MON2: variants seen among roughly 807,000 people sequenced by gnomAD.
MON2 encodes MON2 regulator of endosome-to-Golgi trafficking.
MON2 carries 84 observed loss-of-function variants against 208.6 expected under a neutral mutation model. The observed-to-expected ratio is 0.40, with a 90% confidence interval of 0.34 to 0.48. The LOEUF (loss-of-function observed/expected upper bound fraction) is 0.48. Ranked by LOEUF, MON2 falls within the 20% of genes least tolerant of loss-of-function variation. MON2 has a pLI of 0.59. For missense variants in MON2, 1,611 were observed against 2,015.4 expected, an observed-to-expected ratio of 0.80 and a Z score of 3.84; for synonymous variants, 660 against 694.0, an observed-to-expected ratio of 0.95 and a Z score of 0.77.
At chr12:62,588,456 T>C (rs1445886154) in intron 34 of MON2, among the ~76,000 whole-genome samples, 1 of 152,270 alleles carries the variant, frequency 6.6e-6, no homozygotes, top group African/African-American at 2.4e-5. Flanking sequence ...TAGAAGATAA[T>C]TGACTTATTT....
intron 8 of MON2, among the ~76,000 whole-genome samples, chr12:62,509,452 G>A (rs1161632971): frequency 6.6e-6 from 1 of 152,064 alleles, no homozygotes; most frequent in African/African-American, 2.4e-5. Context: ...AATAGTAGAA[G>A]ACTTCAATAT....
chr12:62,469,180 C>T (rs972147862), intron 1 of MON2, among the ~76,000 whole-genome samples: 4 of 145,984 alleles, frequency 2.7e-5, no homozygotes, highest in Non-Finnish European at 5.9e-5. Flanking sequence ...TGGGTTCAAG[C>T]GATCTGCCCA....
At chr12:62,507,488 G>C (rs1407515720) in intron 7 of MON2, among the ~76,000 whole-genome samples, 2 of 150,318 alleles carry the variant, frequency 1.3e-5, no homozygotes, top group Non-Finnish European at 3.0e-5. Context: ...GCTAATTTTT[G>C]TTGTTGTTGT....
chr12:62,597,960 T>TCTGAGGCAGACG lies in MON2; in HGVS notation c.*5211_*5212insCTGAGGCAGACG, dbSNP rs2075560798. The TCTGAGGCAGACG allele has an allele frequency of 6.6e-6, 1 of 152,238 alleles. No homozygotes were observed. Among genetic ancestry groups the TCTGAGGCAGACG allele is most frequent in the Admixed American group, 6.5e-5 (1 of 15,280 alleles). 9.4% of individuals were successfully genotyped at this position (152,238 alleles called of 1,614,324 possible). Reference sequence around the variant, plus strand: ...GGGGGGTGGGGGAGATATTTGTTTTTTTGAGGCAGACGTTTAAACTTTTAG... The same window carrying TCTGAGGCAGACG: ...GGGGGGTGGGGGAGATATTTGTTTTTCTGAGGCAGACGTTGAGGCAGACGTTTAAACTTTTAG... On this transcript the variant is annotated 3_prime_UTR_variant, in exon 35 of 35. Transcript: ENST00000393630.
chr12:62,511,874 GAA>G (rs1437429875), intron 8 of MON2, among the ~76,000 whole-genome samples: 2 of 152,210 alleles, frequency 1.3e-5, no homozygotes, highest in African/African-American at 4.8e-5. Flanking sequence ...ATTTACAAAA[GAA>G]AGAGATTTAT....
intron 2 of MON2, among the ~76,000 whole-genome samples, chr12:62,491,526 C>T (rs780923732): frequency 5.9e-5 from 9 of 152,084 alleles, no homozygotes; most frequent in Non-Finnish European, 1.3e-4. Flanking sequence ...AGACTTCAGG[C>T]AGACAACTTT....
intron 2 of MON2, among the ~76,000 whole-genome samples, chr12:62,491,691 A>G (rs1024992014): frequency 3.3e-5 from 5 of 152,280 alleles, no homozygotes; most frequent in Admixed American, 1.3e-4. Flanking sequence ...CCTACTTACT[A>G]TATCAGTAGG....
At chr12:62,505,816 A>C (rs929319985) in intron 7 of MON2, among the ~76,000 whole-genome samples, 3 of 152,176 alleles carry the variant, frequency 2.0e-5, no homozygotes, top group African/African-American at 4.8e-5. Context: ...GTTTGACCCC[A>C]GGAGGTCAAG....
intron 1 of MON2, among the ~76,000 whole-genome samples, chr12:62,481,265 G>A (rs979816786): frequency 2.0e-5 from 3 of 152,120 alleles, no homozygotes; most frequent in Middle Eastern, 6.3e-3. Context: ...GGTGGCTCAC[G>A]CCTGTAATCC....
chr12:62,537,692 T>C lies in MON2; in HGVS notation c.2104T>C (p.Leu702=). The C allele has an allele frequency of 6.2e-7, 1 of 1,611,876 alleles. No individual in the cohort carries two copies. Among genetic ancestry groups the C allele is most frequent in the South Asian group, 1.1e-5 (1 of 90,710 alleles). ...AVLGTSWQLV[L]ATLQHLVWIL... is the part of the protein sequence containing the mutation. ...TCTTGGAACATCATGGCAACTTGTC[T>C]TGGCAACTCTTCAGGTATGTAAAAG... is the stretch of plus-strand genomic sequence containing the variant. Residue 702 remains leucine (L), a synonymous_variant, in exon 16 of 35, where the codon TTG becomes CTG. Coordinates refer to ENST00000393630, the MANE Select transcript of MON2 (RefSeq NM_015026.3).
intron 1 of MON2, among the ~76,000 whole-genome samples, chr12:62,477,763 C>T (rs1413709593): frequency 6.6e-6 from 1 of 152,158 alleles, no homozygotes; most frequent in African/African-American, 2.4e-5. Context: ...ACCTCACCTC[C>T]ATTCCTGCGC....
chr12:62,527,549 G>A (rs1462085499), intron 11 of MON2, among the ~76,000 whole-genome samples: 1 of 152,042 alleles, frequency 6.6e-6, no homozygotes, highest in African/African-American at 2.4e-5. Context: ...TAGCACTAAA[G>A]GAGACATTAA....
chr12:62,587,486 AGGCAGGAGGATCACTT>A lies in MON2; in HGVS notation c.4908-581_4908-566del, dbSNP rs1189252254. ...GTAATCCCAGCACTTTAGGAGGCCGAGGCAGGAGGATCACTTGGCAGGGGGATCACTTGAGCCCAGG... is the reference window on the plus strand; with the variant it reads ...GTAATCCCAGCACTTTAGGAGGCCGAGGCAGGGGGATCACTTGAGCCCAGG... On this transcript the variant is annotated intron_variant, in intron 33 of 34. Transcript: ENST00000393630. Among the ~76,000 whole-genome samples, 270 of 152,084 alleles carry A rather than the reference AGGCAGGAGGATCACTT, an allele frequency of 1.8e-3. 1 individual carries two copies. The highest frequency in any genetic ancestry group is 6.4e-3 in the African/African-American group (264 of 41,498).
intron 15 of MON2, 57 bp downstream of exon 15, chr12:62,537,320 C>A: frequency 1.6e-6 from 2 of 1,246,600 alleles, no homozygotes; most frequent in Admixed American, 2.0e-5. Context: ...ACTTGTTGTA[C>A]CTATCTTTGT....
intron 11 of MON2, among the ~76,000 whole-genome samples, chr12:62,529,680 A>G (rs1459352692): frequency 4.6e-5 from 7 of 152,118 alleles, no homozygotes; most frequent in African/African-American, 1.7e-4. Context: ...CATCACCCCT[A>G]AAAGAAACCT....
At chr12:62,484,566 G>T (rs996706402) in intron 2 of MON2, among the ~76,000 whole-genome samples, 1 of 152,094 alleles carries the variant, frequency 6.6e-6, no homozygotes, top group Non-Finnish European at 1.5e-5. Context: ...AGTAATATTT[G>T]TTCCATTGTA....
intron 25 of MON2, among the ~76,000 whole-genome samples, chr12:62,557,065 G>A (rs904867445): frequency 6.6e-6 from 1 of 151,722 alleles, no homozygotes; most frequent in African/African-American, 2.4e-5. Flanking sequence ...TCAAGTCTGC[G>A]TGACAGAGTG....
Position 62,484,237 on chromosome 12 carries a change from A to C in MON2, c.175+4A>C. 1 of 1,580,990 alleles carries C rather than the reference A, an allele frequency of 6.3e-7. No individual in the cohort carries two copies. The highest frequency in any genetic ancestry group is 8.6e-7 in the Non-Finnish European group (1 of 1,159,908). On this transcript the variant is annotated splice_donor_region_variant and intron_variant, in intron 2 of 34. Transcript: ENST00000393630. ...CGAAACACTGAAATTTTGGCAGGTA[A>C]TTTTTTGTATTAAAAATTTAATAAT...
chr12:62,544,968 G>T lies in MON2; in HGVS notation c.2537G>T (p.Gly846Val), dbSNP rs140799300. ...AEALTSLIKA[G>V]LTFNHDPPLS... is the part of the protein sequence containing the mutation. ...GCTTTAACTTCTCTTATTAAAGCAG[G>T]ATTAACATTTAACCATGATCCTCCA... The change falls in exon 21 of 35, where the codon GGA becomes GTA. Residue 846 changes from glycine (G) to valine (V), a missense_variant. Transcript: ENST00000393630. 5,541 of 1,605,136 alleles carry T rather than the reference G, an allele frequency of 3.5e-3. 24 individuals are homozygous for T. The highest frequency in any genetic ancestry group is 7.0e-3 in the Middle Eastern group (42 of 6,020).
Sources: allele counts gnomAD v4.1 joint callset (sites outside exome capture counted in the v4.1 genomes callset), GRCh38; gene constraint gnomAD v4.1.1; transcripts MANE v1.5; gene names NCBI Gene and HGNC (gene_info 2026-07-23, HGNC 2026-07-21).